Variants in WDR64 observed in about 807,000 individuals in gnomAD.
WDR64 encodes the protein WD repeat domain 64, also known as WD repeat-containing protein 64.
WDR64 carries 112 observed loss-of-function variants against 139.3 expected under a neutral mutation model. The observed-to-expected ratio is 0.80, with a 90% CI of 0.69 to 0.94. WDR64 has a LOEUF of 0.94. Ranked by LOEUF, WDR64 falls within the 40% of genes least tolerant of loss-of-function variation. The pLI is 0.00. For missense variants in WDR64, 1,206 were observed against 1,293.1 expected (o/e 0.93, Z 1.03); for synonymous variants, 444 against 437.7 (o/e 1.01, Z -0.18).
At chr1:241,679,924 G>A (rs777483468) in intron 6 of WDR64, among the ~76,000 whole-genome samples, 32 of 151,962 alleles carry the variant, frequency 2.1e-4, no homozygotes, top group Non-Finnish European at 1.2e-4. Flanking sequence ...CTTTTCTCCC[G>A]AGTCCAGCTT....
chr1:241,707,505 T>C (rs575258501), intron 8 of WDR64, among the ~76,000 whole-genome samples: 3 of 152,332 alleles, frequency 2.0e-5, no homozygotes, highest in Admixed American at 6.5e-5. Context: ...CAAAATTTTA[T>C]AGCCAGCAAC....
chr1:241,774,354 A>G (rs760884712), intron 20 of WDR64, among the ~76,000 whole-genome samples: 1 of 152,210 alleles, frequency 6.6e-6, no homozygotes, highest in Non-Finnish European at 1.5e-5. Context: ...CCTTGAGATA[A>G]TCTTGGTATT....
At chr1:241,697,280 A>G (rs992518584) in intron 8 of WDR64, among the ~76,000 whole-genome samples, 2 of 152,178 alleles carry the variant, frequency 1.3e-5, no homozygotes, top group Non-Finnish European at 1.5e-5. Flanking sequence ...TGGAGCCTCA[A>G]GGGGAATTCT....
At chr1:241,783,740 T>G (rs1658934701) in intron 23 of WDR64, among the ~76,000 whole-genome samples, 1 of 152,240 alleles carries the variant, frequency 6.6e-6, no homozygotes, top group Admixed American at 6.5e-5. Context: ...AGAAAAGTAA[T>G]AGAAAAGAGC....
chr1:241,758,115 G>A (rs1385527420), intron 15 of WDR64, among the ~76,000 whole-genome samples: 1 of 152,026 alleles, frequency 6.6e-6, no homozygotes, highest in African/African-American at 2.4e-5. Context: ...GACAGTTGAC[G>A]CCATAGTTTT....
At chr1:241,684,212 T>C (rs1037124596) in intron 7 of WDR64, among the ~76,000 whole-genome samples, 1 of 152,292 alleles carries the variant, frequency 6.6e-6, no homozygotes, top group Admixed American at 6.5e-5. Context: ...GTGACAAATA[T>C]GACAGACAAT....
intron 20 of WDR64, 141 bp from the exon 21 acceptor site, chr1:241,774,964 T>C (rs934073872): frequency 4.5e-6 from 3 of 666,632 alleles, no homozygotes; most frequent in Admixed American, 2.9e-5. Flanking sequence ...ATTATTTTCA[T>C]TACAAACAGG....
intron 4 of WDR64, among the ~76,000 whole-genome samples, chr1:241,676,812 G>T (rs1380521575): frequency 1.3e-5 from 2 of 149,170 alleles, no homozygotes; most frequent in Non-Finnish European, 2.9e-5. Flanking sequence ...TGAACTCATG[G>T]TCTCAAGCCA....
chr1:241,668,283 G>A (rs1666097425), intron 2 of WDR64, among the ~76,000 whole-genome samples: 1 of 152,082 alleles, frequency 6.6e-6, no homozygotes, highest in Non-Finnish European at 1.5e-5. Flanking sequence ...GCCGAGGGGG[G>A]CGGATCACGA....
chr1:241,749,569 T>C lies in WDR64; in HGVS notation c.1617T>C (p.Phe539=), dbSNP rs1394656643. 6.2e-7 allele frequency: 1 copy of C among 1,614,064 alleles called. No individual in the cohort carries two copies. Among genetic ancestry groups the C allele is most frequent in the African/African-American group, 1.3e-5 (1 of 74,936 alleles). Residue 539 remains phenylalanine (F), a synonymous_variant, in exon 14 of 28, where the codon TTT becomes TTC. Coordinates refer to ENST00000437684, the MANE Select transcript of WDR64 (RefSeq NM_001367482.1). ...AYNGTVRIWD[F]GSGQEMKVLP... ...CAGGAACAGTCAGAATCTGGGACTT[T>C]GGCAGTGGGCAGGAGATGAAGGTGT...
intron 8 of WDR64, among the ~76,000 whole-genome samples, chr1:241,706,101 A>C (rs1398732571): frequency 1.3e-5 from 2 of 152,204 alleles, no homozygotes; most frequent in African/African-American, 4.8e-5. Flanking sequence ...CTATGACCCT[A>C]AGCTTTTATT....
chr1:241,667,111 A>T (rs1666051726), intron 2 of WDR64, among the ~76,000 whole-genome samples: 1 of 152,242 alleles, frequency 6.6e-6, no homozygotes, highest in Non-Finnish European at 1.5e-5. Flanking sequence ...TCATTGACGT[A>T]GGAGACATAA....
At chr1:241,723,057 T>C (rs886955067) in intron 9 of WDR64, among the ~76,000 whole-genome samples, 1 of 152,166 alleles carries the variant, frequency 6.6e-6, no homozygotes, top group African/African-American at 2.4e-5. Flanking sequence ...TCATAAAATA[T>C]TTATGAGAAT....
Position 241,788,041 on chromosome 1 carries a change from C to A in WDR64, c.2891+7C>A. The A allele has an allele frequency of 8.9e-6, 14 of 1,570,490 alleles. No individual in the cohort carries two copies. Among genetic ancestry groups the A allele is most frequent in the Non-Finnish European group, 1.2e-5 (14 of 1,162,660 alleles). Reference sequence around the variant, plus strand: ...TGATATTTGACCGGGAAAAGTAAGACCATTAGCTCTTCTTTAGATAAGCAT... The same window carrying A: ...TGATATTTGACCGGGAAAAGTAAGAACATTAGCTCTTCTTTAGATAAGCAT... On this transcript the variant is annotated splice_region_variant and intron_variant, in intron 24 of 27. Coordinates refer to ENST00000437684, the MANE Select transcript of WDR64 (RefSeq NM_001367482.1).
At chr1:241,719,728 G>A (rs1190275216) in intron 9 of WDR64, among the ~76,000 whole-genome samples, 2 of 152,064 alleles carry the variant, frequency 1.3e-5, no homozygotes, top group East Asian at 1.9e-4. Context: ...ATCCTAATGG[G>A]TGGCCCAATA....
At chr1:241,746,552 T>C (rs546794804) in intron 13 of WDR64, among the ~76,000 whole-genome samples, 78 of 150,308 alleles carry the variant, frequency 5.2e-4, no homozygotes, top group African/African-American at 1.9e-3. Flanking sequence ...AGCAGATTTA[T>C]TGATAATAAC....
At chr1:241,688,078 G>A (rs1667077350) in intron 8 of WDR64, among the ~76,000 whole-genome samples, 2 of 152,124 alleles carry the variant, frequency 1.3e-5, no homozygotes, top group Admixed American at 6.5e-5. Flanking sequence ...CTAGAAAACC[G>A]ATATTGTATC....
At chr1:241,686,667 T>C (rs910144625) in intron 7 of WDR64, among the ~76,000 whole-genome samples, 5 of 152,196 alleles carry the variant, frequency 3.3e-5, no homozygotes, top group African/African-American at 1.2e-4. Context: ...CACATTCAAA[T>C]GTTTTGTGAA....
At chr1:241,784,113 T>G (rs956437675) in intron 23 of WDR64, among the ~76,000 whole-genome samples, 2 of 152,220 alleles carry the variant, frequency 1.3e-5, no homozygotes, top group African/African-American at 4.8e-5. Context: ...CAAGACAGCC[T>G]AGCTAACTGT....
Sources: allele counts gnomAD v4.1 joint callset (sites outside exome capture counted in the v4.1 genomes callset), GRCh38; gene constraint gnomAD v4.1.1; transcripts MANE v1.5; gene names NCBI Gene and HGNC (gene_info 2026-07-23, HGNC 2026-07-21).